MAP3K5: variants seen among roughly 807,000 people sequenced by gnomAD.
MAP3K5 encodes ASK-1.
MAP3K5 carries 56 observed loss-of-function variants against 158.7 expected under a neutral mutation model. That is an observed-to-expected ratio of 0.35 (90% CI 0.28 to 0.44). The LOEUF (loss-of-function observed/expected upper bound fraction) is 0.44. Ranked by LOEUF, MAP3K5 falls within the 20% of genes least tolerant of loss-of-function variation. The pLI, the probability that MAP3K5 is intolerant of heterozygous loss-of-function variation, is 1.00. For missense variants in MAP3K5, 1,294 were observed against 1,674.8 expected (o/e 0.77, Z 3.97); for synonymous variants, 579 against 601.7 (o/e 0.96, Z 0.55).
chr6:136,596,141 A>G (rs1395527790), intron 21 of MAP3K5, among the ~76,000 whole-genome samples: 1 of 152,128 alleles, frequency 6.6e-6, no homozygotes, highest in Non-Finnish European at 1.5e-5. Flanking sequence ...GACAGCATAG[A>G]CCCGGCCCTT....
chr6:136,638,662 G>GTT (rs1010034565), intron 13 of MAP3K5, among the ~76,000 whole-genome samples: 1 of 148,210 alleles, frequency 6.7e-6, no homozygotes, highest in South Asian at 2.3e-4. Flanking sequence ...ATTTCCAAGT[G>GTT]TTTTTTTTTC....
chr6:136,637,956 G>A (rs375198928), intron 13 of MAP3K5, among the ~76,000 whole-genome samples: 2 of 152,152 alleles, frequency 1.3e-5, no homozygotes, highest in African/African-American at 4.8e-5. Context: ...TACTCACTGA[G>A]TGTCTACTAG....
intron 1 of MAP3K5, among the ~76,000 whole-genome samples, chr6:136,749,237 G>A (rs1783088149): frequency 6.6e-6 from 1 of 152,044 alleles, no homozygotes; most frequent in Admixed American, 6.5e-5. Context: ...GCCGGGTATG[G>A]TGGCACGCGC....
intron 17 of MAP3K5, among the ~76,000 whole-genome samples, chr6:136,612,224 G>GTTT (rs1259374776): frequency 6.6e-6 from 1 of 152,124 alleles, no homozygotes; most frequent in African/African-American, 2.4e-5. Context: ...ATCTCTATGT[G>GTTT]TATTAAACTC....
At chr6:136,637,030 T>G in intron 14 of MAP3K5, 1 of 1,176,542 alleles carries the variant, frequency 8.5e-7, no homozygotes, top group South Asian at 2.9e-5. Flanking sequence ...CAGAGGAGAA[T>G]AGAGAATGTG....
At chr6:136,672,989 CAAAA>C (rs538682132) in intron 7 of MAP3K5, among the ~76,000 whole-genome samples, 2 of 83,984 alleles carry the variant, frequency 2.4e-5, no homozygotes, top group Admixed American at 1.3e-4. Flanking sequence ...GACTCTATCT[CAAAA>C]AAAAAAAAAA....
chr6:136,646,883 G>A (rs1008672981), intron 11 of MAP3K5, among the ~76,000 whole-genome samples: 1 of 152,186 alleles, frequency 6.6e-6, no homozygotes, highest in Non-Finnish European at 1.5e-5. Flanking sequence ...TCCACTTGGA[G>A]TCTTGCCATT....
chr6:136,616,702 CGATGATGAT>C (rs113611680), intron 15 of MAP3K5, among the ~76,000 whole-genome samples: 2 of 151,098 alleles, frequency 1.3e-5, no homozygotes, highest in Non-Finnish European at 2.9e-5. Flanking sequence ...TCAAGTAACT[CGATGATGAT>C]GATGATGATG....
chr6:136,647,276 C>T (rs779920832), intron 11 of MAP3K5, among the ~76,000 whole-genome samples: 11 of 152,202 alleles, frequency 7.2e-5, no homozygotes, highest in African/African-American at 2.2e-4. Context: ...CCACTTAGCA[C>T]TGTGCTAAAT....
At chr6:136,559,007 C>T (rs1290944856) in intron 28 of MAP3K5, 131 bp from the exon 29 acceptor site, 1 of 609,694 alleles carries the variant, frequency 1.6e-6, no homozygotes, top group Non-Finnish European at 2.9e-6. Context: ...AAAACACAAT[C>T]TTCCAGGATT....
chr6:136,724,156 G>T lies in MAP3K5; in HGVS notation c.449-3567C>A, dbSNP rs144794120. ...CTAAGTTAAAGTAATGAAAGGAGGG[G>T]ATAAATTTTTCCAGAGAACTGACAT... On this transcript the variant is annotated intron_variant, in intron 1 of 29. Coordinates refer to ENST00000359015, the MANE Select transcript of MAP3K5 (RefSeq NM_005923.4). Among the ~76,000 whole-genome samples the T allele has an allele frequency of 2.1e-3, 312 of 150,662 alleles. 4 individuals are homozygous for T. The highest frequency in any genetic ancestry group is 0.018 in the Admixed American group (266 of 15,084).
At chr6:136,593,906 G>C (rs1482246777) in intron 21 of MAP3K5, among the ~76,000 whole-genome samples, 1 of 152,118 alleles carries the variant, frequency 6.6e-6, no homozygotes, top group Non-Finnish European at 1.5e-5. Context: ...CTGATCTCAA[G>C]GATAGGGGAC....
chr6:136,743,161 T>C (rs888919104), intron 1 of MAP3K5, among the ~76,000 whole-genome samples: 22 of 151,294 alleles, frequency 1.5e-4, no homozygotes, highest in African/African-American at 5.1e-4. Flanking sequence ...ATTAAAACAT[T>C]AAGATACGGC....
intron 1 of MAP3K5, among the ~76,000 whole-genome samples, chr6:136,725,201 T>C (rs944284994): frequency 6.6e-6 from 1 of 152,218 alleles, no homozygotes; most frequent in Non-Finnish European, 1.5e-5. Flanking sequence ...ATGCTTTCAT[T>C]TGTCTTGAGT....
intron 21 of MAP3K5, 52 bp downstream of exon 21, chr6:136,600,970 T>C (rs1775847056): frequency 5.7e-6 from 9 of 1,589,554 alleles, no homozygotes; most frequent in South Asian, 1.1e-5. Flanking sequence ...CTGGAGTTTA[T>C]CACACCAGAC....
intron 21 of MAP3K5, among the ~76,000 whole-genome samples, chr6:136,600,053 G>A (rs2129084913): frequency 6.6e-6 from 1 of 152,282 alleles, no homozygotes; most frequent in East Asian, 1.9e-4. Flanking sequence ...TGGGCTGACT[G>A]GCTTTGGGGC....
At chr6:136,752,896 C>G (rs561063440) in intron 1 of MAP3K5, among the ~76,000 whole-genome samples, 8 of 152,216 alleles carry the variant, frequency 5.3e-5, no homozygotes, top group Non-Finnish European at 1.2e-4. Context: ...AGAAGGCAGA[C>G]TCTGCTCCCT....
At position 136,558,435 on chromosome 6, in the gene MAP3K5, T is replaced by C. The variant is rs374142569; in HGVS notation, c.4064+365A>G. Among the ~76,000 whole-genome samples, 68 of 151,870 alleles carry C rather than the reference T, an allele frequency of 4.5e-4. 2 individuals carry two copies. Among genetic ancestry groups the C allele is most frequent in the Middle Eastern group, 6.9e-3 (2 of 288 alleles). On this transcript the variant is annotated intron_variant, in intron 29 of 29. Coordinates refer to ENST00000359015, the MANE Select transcript of MAP3K5 (RefSeq NM_005923.4). ...TTAATTAACAAGAAATTATATCAGA[T>C]TATACCAGGTTTTTGGAGGGCAAGT...
chr6:136,659,479 G>A (rs1261740522), intron 8 of MAP3K5, 101 bp from the exon 9 acceptor site: 2 of 1,057,988 alleles, frequency 1.9e-6, no homozygotes, highest in East Asian at 2.4e-5. Flanking sequence ...CCTCTTTTCA[G>A]ATTAAAACAG....
Sources: allele counts gnomAD v4.1 joint callset (sites outside exome capture counted in the v4.1 genomes callset), GRCh38; gene constraint gnomAD v4.1.1; transcripts MANE v1.5; gene names NCBI Gene and HGNC (gene_info 2026-07-23, HGNC 2026-07-21).